AJAP1: variants seen among roughly 807,000 people sequenced by gnomAD.
The protein encoded by AJAP1 is adherens junction-associated protein 1.
AJAP1 carries 5 observed loss-of-function variants against 35.0 expected under a neutral mutation model. That is an observed-to-expected ratio of 0.14 (90% CI 0.07 to 0.30). The LOEUF is 0.30. AJAP1 is among the 10% of genes least tolerant of loss of function. AJAP1 has a pLI of 1.00. For synonymous variants in AJAP1, 284 were observed against 249.3 expected (o/e 1.14, Z -1.31); for missense variants, 586 against 571.0 (o/e 1.03, Z -0.27).
chr1:4,693,807 C>G lies in AJAP1; in HGVS notation c.30-18093C>G, dbSNP rs1490244420. Among the ~76,000 whole-genome samples, 2 of 152,144 alleles carry G rather than the reference C, an allele frequency of 1.3e-5. No homozygotes were observed. The highest frequency in any genetic ancestry group is 4.8e-5 in the African/African-American group (2 of 41,418). On this transcript the variant is annotated intron_variant, in intron 1 of 5. Transcript: ENST00000378191. This position sits in a 1 kb window ranked among gnomAD's most constrained non-coding sequence, Gnocchi z 4.4. ...GAGCACATGGAGGGGAGGAAGGGGC[C>G]AAACGCGTCCTTTTATCAGGAACCC...
At chr1:4,678,963 T>C (rs1639418449) in intron 1 of AJAP1, among the ~76,000 whole-genome samples, 1 of 152,156 alleles carries the variant, frequency 6.6e-6, no homozygotes, top group Admixed American at 6.5e-5. Flanking sequence ...AGAAAGACAA[T>C]TCCCAGAGAT....
intron 2 of AJAP1, among the ~76,000 whole-genome samples, chr1:4,730,646 A>G (rs893580391): frequency 6.6e-6 from 1 of 152,210 alleles, no homozygotes; most frequent in African/African-American, 2.4e-5. Context: ...GCCACCTTTC[A>G]GAAGCCAGAA....
At chr1:4,672,528 C>T (rs1003872415) in intron 1 of AJAP1, among the ~76,000 whole-genome samples, 3 of 152,194 alleles carry the variant, frequency 2.0e-5, no homozygotes, top group Admixed American at 1.3e-4. Flanking sequence ...ATAAAGTCCT[C>T]AGGAGGCTCC....
At chr1:4,698,977 C>T (rs1284244715) in intron 1 of AJAP1, among the ~76,000 whole-genome samples, 1 of 152,180 alleles carries the variant, frequency 6.6e-6, no homozygotes, top group East Asian at 1.9e-4. Context: ...TCCTGGTTCC[C>T]CGGTGCACCT....
intron 2 of AJAP1, among the ~76,000 whole-genome samples, chr1:4,727,132 C>T (rs1046956081): frequency 6.6e-5 from 10 of 152,378 alleles, no homozygotes; most frequent in Admixed American, 1.3e-4. Context: ...GGGGCGCACA[C>T]AGCTCTCACT....
chr1:4,686,703 C>G (rs1301477075), intron 1 of AJAP1, among the ~76,000 whole-genome samples: 1 of 152,150 alleles, frequency 6.6e-6, no homozygotes, highest in Non-Finnish European at 1.5e-5. Context: ...ACTTAGATGC[C>G]CACGTGGATG....
At position 4,682,829 on chromosome 1, in the gene AJAP1, G is replaced by A. The variant is rs541960632; in HGVS notation, c.29+27375G>A. Among the ~76,000 whole-genome samples the A allele has an allele frequency of 4.8e-5, 7 of 146,752 alleles. No individual in the cohort carries two copies. The South Asian group carries it at 1.5e-3, about 31-fold the overall frequency. On this transcript the variant is annotated intron_variant, in intron 1 of 5. Coordinates refer to ENST00000378191, the MANE Select transcript of AJAP1 (RefSeq NM_018836.4). ...AATGATGATAGTGGTGATACTGGTG[G>A]TGTTGGTGATGGTGATGATGGTGAT...
In AJAP1 at chr1:4,727,629, G is replaced by A. The variant is rs575301435; in HGVS notation, c.829+14930G>A. ...CGGAAGACCCTGAGGTGGACCTGGG[G>A]TGCCCACCTGCTGGCATCTGCACCT... On this transcript the variant is annotated intron_variant, in intron 2 of 5. Transcript: ENST00000378191. Among the ~76,000 whole-genome samples, 270 of 152,324 alleles carry A rather than the reference G, an allele frequency of 1.8e-3. 2 individuals carry two copies. Among genetic ancestry groups the A allele is most frequent in the African/African-American group, 6.1e-3 (252 of 41,570 alleles).
rs543446270 is a variant in AJAP1 at position 4,669,259 on chromosome 1, A to G, written c.29+13805A>G. Among the ~76,000 whole-genome samples, 5 of 152,290 alleles carry G rather than the reference A, an allele frequency of 3.3e-5. No individual in the cohort carries two copies. In the East Asian group the frequency reaches 7.7e-4, roughly 24 times the overall value. On this transcript the variant is annotated intron_variant, in intron 1 of 5. Coordinates refer to ENST00000378191, the MANE Select transcript of AJAP1 (RefSeq NM_018836.4). ...CTTACCTACTTCCTGTGTCTTCAGT[A>G]TGGCCTGTTTTGGACATTTTATATA...
At position 4,774,511 on chromosome 1, in the gene AJAP1, C is replaced by A; in HGVS notation, c.*12C>A. The A allele has an allele frequency of 6.2e-7, 1 of 1,612,722 alleles. No individual in the cohort carries two copies. Among genetic ancestry groups the A allele is most frequent in the East Asian group, 2.2e-5 (1 of 44,892 alleles). ...AAATCTCCTGCTGACTGGCCGAAGT[C>A]TTTTTTACCTCCTGGGGGCAGGGCA... On this transcript the variant is annotated 3_prime_UTR_variant, in exon 5 of 6. Coordinates refer to ENST00000378191, the MANE Select transcript of AJAP1 (RefSeq NM_018836.4).
At chr1:4,681,328 G>A (rs537728302) in intron 1 of AJAP1, among the ~76,000 whole-genome samples, 1 of 152,348 alleles carries the variant, frequency 6.6e-6, no homozygotes, top group African/African-American at 2.4e-5. Flanking sequence ...GGGCCACACT[G>A]TTGGCGTCCC....
chr1:4,672,602 G>A (rs1298457853), intron 1 of AJAP1, among the ~76,000 whole-genome samples: 1 of 152,160 alleles, frequency 6.6e-6, no homozygotes, highest in Non-Finnish European at 1.5e-5. Context: ...CTCCTGAGCT[G>A]TCTGCAAAGT....
At chr1:4,775,004 C>T (rs778359055) in intron 5 of AJAP1, among the ~76,000 whole-genome samples, 2 of 151,684 alleles carry the variant, frequency 1.3e-5, no homozygotes, top group Admixed American at 6.6e-5. Flanking sequence ...GGGGAGGGCG[C>T]AAGGCAGAAT....
intron 1 of AJAP1, among the ~76,000 whole-genome samples, chr1:4,682,874 A>T (rs1253803941): frequency 4.0e-5 from 6 of 150,088 alleles, no homozygotes; most frequent in African/African-American, 1.5e-4. Flanking sequence ...GGTGATTGTG[A>T]TGATGATGTT....
chr1:4,759,049 G>A (rs1305664598), intron 2 of AJAP1, among the ~76,000 whole-genome samples: 1 of 152,188 alleles, frequency 6.6e-6, no homozygotes, highest in Non-Finnish European at 1.5e-5. Flanking sequence ...TCATTATATT[G>A]GTCACTGACC....
At position 4,774,466 on chromosome 1, in the gene AJAP1, C is replaced by T. The variant is rs1433076998; in HGVS notation, c.1203C>T (p.Phe401=). 15 of 1,614,092 alleles carry T rather than the reference C, an allele frequency of 9.3e-6. No homozygotes were observed. Among genetic ancestry groups the T allele is most frequent in the Middle Eastern group, 1.6e-4 (1 of 6,084 alleles). ...ATCGGCATCTTATTCCTGTGGCCTT[C>T]GTGTCTGAGAAATGGTTTGAAATCT... ...SSDRHLIPVA[F]VSEKWFEISC is the part of the protein sequence containing the mutation. The change falls in exon 5 of 6, where the codon TTC becomes TTT. Residue 401 remains phenylalanine (F), a synonymous_variant. Transcript: ENST00000378191.
chr1:4,690,372 CTCT>C (rs1639711828), intron 1 of AJAP1, among the ~76,000 whole-genome samples: 1 of 152,176 alleles, frequency 6.6e-6, no homozygotes, highest in Non-Finnish European at 1.5e-5. Context: ...CTTGTGTGAC[CTCT>C]TGTTTCAAGG....
intron 2 of AJAP1, among the ~76,000 whole-genome samples, chr1:4,744,084 T>A (rs1343833481): frequency 6.6e-6 from 1 of 152,166 alleles, no homozygotes; most frequent in African/African-American, 2.4e-5. Context: ...TCCAGGGACG[T>A]CTGAGTGTGT....
In AJAP1 at chr1:4,711,895, C is replaced by A; in HGVS notation, c.30-5C>A. The A allele has an allele frequency of 6.8e-7, 1 of 1,481,346 alleles. No individual in the cohort carries two copies. The highest frequency in any genetic ancestry group is 8.9e-7 in the Non-Finnish European group (1 of 1,118,534). 91.8% of individuals were successfully genotyped at this position (1,481,346 alleles called of 1,614,324 possible). Reference sequence around the variant, plus strand: ...CCGCTCTTCTCTCCTTTCCCCCCCGCACAGCTCCATGTCCATCCGCTGGCC... The same window carrying A: ...CCGCTCTTCTCTCCTTTCCCCCCCGAACAGCTCCATGTCCATCCGCTGGCC... On this transcript the variant is annotated splice_polypyrimidine_tract_variant and splice_region_variant and intron_variant, in intron 1 of 5. Transcript: ENST00000378191.
Sources: allele counts gnomAD v4.1 joint callset (sites outside exome capture counted in the v4.1 genomes callset), GRCh38; gene constraint gnomAD v4.1.1; non-coding constraint Gnocchi (gnomAD v3.1); transcripts MANE v1.5; gene names NCBI Gene and HGNC (gene_info 2026-07-23, HGNC 2026-07-21).